The following CNTN5 variants were observed in gnomAD, a reference collection of about 807,000 sequenced individuals.
CNTN5 encodes contactin 5, also known as contactin-5.
In CNTN5, 77 loss-of-function variants were observed where a neutral mutation model predicts 129.1. The observed-to-expected ratio is 0.60, with a 90% CI of 0.50 to 0.72. The LOEUF (loss-of-function observed/expected upper bound fraction) is 0.72, where lower values mean the gene tolerates loss of function less well. CNTN5 is among the 30% of genes least tolerant of loss of function. The probability of loss-of-function intolerance (pLI) is 0.00; values close to 1 mark genes in which losing one functional copy is unlikely to be tolerated. For synonymous variants in CNTN5, 509 were observed against 465.6 expected, an observed-to-expected ratio of 1.09 and a Z score of -1.20; for missense variants, 1,478 against 1,328.8, an observed-to-expected ratio of 1.11 and a Z score of -1.75.
intron 1 of CNTN5, among the ~76,000 whole-genome samples, chr11:99,143,380 A>G (rs1859624190): frequency 6.7e-6 from 1 of 148,680 alleles, no homozygotes; most frequent in African/African-American, 2.4e-5. Flanking sequence ...AATTACATAT[A>G]TAAAATATAC....
intron 3 of CNTN5, among the ~76,000 whole-genome samples, chr11:99,787,916 A>G (rs1274392795): frequency 6.6e-6 from 1 of 151,998 alleles, no homozygotes; most frequent in Non-Finnish European, 1.5e-5. Context: ...ATCACTGTTT[A>G]TCTCATTTTA....
At chr11:99,066,718 G>A (rs1412562389) in intron 1 of CNTN5, among the ~76,000 whole-genome samples, 4 of 152,108 alleles carry the variant, frequency 2.6e-5, no homozygotes, top group Non-Finnish European at 4.4e-5. Flanking sequence ...TAATTGATCA[G>A]TGGCCCCAGC....
chr11:100,227,199 T>G (rs184880237), intron 16 of CNTN5, among the ~76,000 whole-genome samples: 1 of 152,282 alleles, frequency 6.6e-6, no homozygotes, highest in African/African-American at 2.4e-5. Context: ...AGTGGAAATT[T>G]AAGGGAAAAA....
chr11:99,783,693 C>T (rs1414757684), intron 3 of CNTN5, among the ~76,000 whole-genome samples: 1 of 141,976 alleles, frequency 7.0e-6, no homozygotes, highest in East Asian at 2.2e-4. Flanking sequence ...AATTGGAAAT[C>T]ATCATTCTCA....
At chr11:99,919,401 A>G (rs1949878142) in intron 7 of CNTN5, among the ~76,000 whole-genome samples, 1 of 152,198 alleles carries the variant, frequency 6.6e-6, no homozygotes, top group African/African-American at 2.4e-5. Flanking sequence ...CCATATAAAA[A>G]TAAAACAAAG....
chr11:99,123,654 GTTT>G (rs35040329), intron 1 of CNTN5, among the ~76,000 whole-genome samples: 19,494 of 141,128 alleles, frequency 0.14, 1,408 homozygotes, highest in African/African-American at 0.2. Flanking sequence ...ATCTTCCAGG[GTTT>G]TTTTTTTTTT....
In CNTN5 at chr11:99,398,109, T is replaced by C. The variant is rs1031949661; in HGVS notation, c.-71+72625T>C. Among the ~76,000 whole-genome samples, 8 of 152,010 alleles carry C rather than the reference T, an allele frequency of 5.3e-5. No homozygotes were observed. The East Asian group carries it at 1.5e-3, about 29-fold the overall frequency. On this transcript the variant is annotated intron_variant, in intron 2 of 24. Transcript: ENST00000524871. ...TCCGACTGTCAGCCATCCATTGACT[T>C]TATTCCTTAACGCCAGTTACACATG...
chr11:99,906,430 T>G (rs1303610583), intron 6 of CNTN5, among the ~76,000 whole-genome samples: 1 of 152,172 alleles, frequency 6.6e-6, no homozygotes, highest in East Asian at 1.9e-4. Flanking sequence ...TCTGTTTATG[T>G]GATGGATTAT....
chr11:100,037,937 T>A (rs924028781), intron 9 of CNTN5, among the ~76,000 whole-genome samples: 6 of 152,172 alleles, frequency 3.9e-5, no homozygotes, highest in African/African-American at 7.2e-5. Context: ...ATTCATTGAT[T>A]TTTTGAAGGG....
intron 9 of CNTN5, among the ~76,000 whole-genome samples, chr11:100,007,411 T>C (rs188437886): frequency 6.6e-6 from 1 of 152,218 alleles, no homozygotes; most frequent in East Asian, 1.9e-4. Flanking sequence ...ACATTGAAAA[T>C]CTGTTGTTTA....
chr11:100,352,363 T>A (rs1051142758), intron 24 of CNTN5, among the ~76,000 whole-genome samples: 21 of 151,890 alleles, frequency 1.4e-4, no homozygotes, highest in East Asian at 1.9e-4. Context: ...TTCATTTTTT[T>A]AAAAAACTAT....
At chr11:99,543,645 C>A (rs565221256) in intron 2 of CNTN5, among the ~76,000 whole-genome samples, 1 of 152,030 alleles carries the variant, frequency 6.6e-6, no homozygotes, top group East Asian at 1.9e-4. Flanking sequence ...AGGCCGGGTG[C>A]GGTGGCTCAT....
chr11:100,249,091 T>G (rs912185620), intron 16 of CNTN5, among the ~76,000 whole-genome samples: 1 of 152,162 alleles, frequency 6.6e-6, no homozygotes, highest in African/African-American at 2.4e-5. Context: ...ATGACTCCAA[T>G]TAATTTAAAA....
In CNTN5 at chr11:100,230,993, T is replaced by C. The variant is rs150849884; in HGVS notation, c.2005+6181T>C. Among the ~76,000 whole-genome samples the C allele has an allele frequency of 5.2e-4, 79 of 152,306 alleles. 1 individual carries two copies. In the South Asian group the frequency reaches 7.7e-3, roughly 15 times the overall value. ...TACAGTCACTTCACATCTGTGTAAGTTTGTGGAGATAAATTCTTAGTGTGT... is the reference window on the plus strand; with the variant it reads ...TACAGTCACTTCACATCTGTGTAAGCTTGTGGAGATAAATTCTTAGTGTGT... On this transcript the variant is annotated intron_variant, in intron 16 of 24. Transcript: ENST00000524871.
chr11:99,523,144 G>C (rs183782386), intron 2 of CNTN5, among the ~76,000 whole-genome samples: 2 of 151,880 alleles, frequency 1.3e-5, no homozygotes, highest in African/African-American at 4.8e-5. Context: ...CTTTTACCCC[G>C]TACAGCCTTT....
intron 8 of CNTN5, among the ~76,000 whole-genome samples, chr11:99,991,143 T>C (rs757856242): frequency 3.3e-5 from 5 of 152,222 alleles, no homozygotes; most frequent in African/African-American, 9.6e-5. Context: ...CCATTGGTTA[T>C]GCTTGGCACA....
intron 1 of CNTN5, among the ~76,000 whole-genome samples, chr11:99,320,548 A>C (rs1865526053): frequency 6.6e-6 from 1 of 152,206 alleles, no homozygotes; most frequent in Admixed American, 6.6e-5. Flanking sequence ...AGCCAGAATC[A>C]AACACGGAGG....
At chr11:100,037,409 G>C (rs1942083578) in intron 9 of CNTN5, among the ~76,000 whole-genome samples, 1 of 151,998 alleles carries the variant, frequency 6.6e-6, no homozygotes, top group Admixed American at 6.6e-5. Context: ...TGTTCATCAA[G>C]GATATTGGTC....
intron 6 of CNTN5, among the ~76,000 whole-genome samples, chr11:99,880,841 C>A (rs560729420): frequency 1.3e-5 from 2 of 152,076 alleles, no homozygotes; most frequent in Non-Finnish European, 2.9e-5. Flanking sequence ...TAAAAACTCA[C>A]CTCTACCACT....
Sources: gnomAD v4.1 joint callset for allele counts (sites outside exome capture counted in the v4.1 genomes callset) on GRCh38, gnomAD v4.1.1 for gene constraint, MANE v1.5 for transcripts, NCBI Gene and HGNC (gene_info 2026-07-23, HGNC 2026-07-21) for gene names.